The following MACROD2 variants were observed in gnomAD, a reference collection of about 807,000 sequenced individuals.
MACROD2 encodes ADP-ribose glycohydrolase MACROD2.
In MACROD2, 36 loss-of-function variants were observed where a neutral mutation model predicts 70.4. The ratio of observed to expected loss-of-function variants is 0.51; its 90% CI spans 0.39 to 0.68. MACROD2 has a LOEUF of 0.68. Among genes scored for constraint, MACROD2 ranks in the 30% least tolerant of loss-of-function variants. The probability of loss-of-function intolerance (pLI) is 0.00; values close to 1 mark genes in which losing one functional copy is unlikely to be tolerated. For synonymous variants in MACROD2, 172 were observed against 178.8 expected (o/e 0.96, Z 0.30); for missense variants, 496 against 538.4 (o/e 0.92, Z 0.78).
At chr20:14,240,397 A>G (rs1407978481) in intron 3 of MACROD2, among the ~76,000 whole-genome samples, 7 of 152,234 alleles carry the variant, frequency 4.6e-5, no homozygotes, top group Admixed American at 4.6e-4. Flanking sequence ...TTGTATGTTT[A>G]TTTCAGTACT....
chr20:14,461,179 T>C (rs2084366239), intron 3 of MACROD2, among the ~76,000 whole-genome samples: 1 of 152,078 alleles, frequency 6.6e-6, no homozygotes, highest in Admixed American at 6.6e-5. Flanking sequence ...CAGGAGTTTA[T>C]CCATTTCTTC....
At chr20:14,131,262 T>C (rs1487448464) in intron 3 of MACROD2, among the ~76,000 whole-genome samples, 1 of 152,242 alleles carries the variant, frequency 6.6e-6, no homozygotes, top group Middle Eastern at 3.2e-3. Flanking sequence ...AGAAAACAAC[T>C]GTTTGGGTTT....
chr20:15,030,678 T>C lies in MACROD2; in HGVS notation c.419-199262T>C, dbSNP rs146850367. On this transcript the variant is annotated intron_variant, in intron 5 of 17. Coordinates refer to ENST00000684519, the MANE Select transcript of MACROD2 (RefSeq NM_001351661.2). ...ATAGATAGATAGACAGATAGATAGA[T>C]AGATAGATAGTCTAGGGAGTATGGC... 9.9e-5 allele frequency among the ~76,000 whole-genome samples: 15 copies of C among 152,224 alleles called. No homozygotes were observed. In the East Asian group the frequency reaches 2.9e-3, roughly 29 times the overall value.
chr20:14,227,079 C>A (rs2122187558), intron 3 of MACROD2, among the ~76,000 whole-genome samples: 1 of 152,292 alleles, frequency 6.6e-6, no homozygotes, highest in South Asian at 2.1e-4. Flanking sequence ...AATCAGCACC[C>A]TGTGTCTAGC....
At chr20:14,850,066 A>G in intron 5 of MACROD2, 1 of 478,258 alleles carries the variant, frequency 2.1e-6, no homozygotes, top group Non-Finnish European at 4.1e-6. Flanking sequence ...ACTTAATGAA[A>G]TCTCAATACT....
chr20:15,555,968 A>G (rs1568889612), intron 8 of MACROD2, among the ~76,000 whole-genome samples: 1 of 151,996 alleles, frequency 6.6e-6, no homozygotes, highest in African/African-American at 2.4e-5. Context: ...ATTTGGGGAT[A>G]GCTTACTCAG....
intron 5 of MACROD2, among the ~76,000 whole-genome samples, chr20:14,842,560 CTTA>C (rs1042863744): frequency 2.0e-5 from 3 of 151,990 alleles, no homozygotes; most frequent in Admixed American, 6.6e-5. Flanking sequence ...TTTGTAATGT[CTTA>C]TTATTAAGGC....
At chr20:15,223,803 C>G (rs1413998785) in intron 5 of MACROD2, among the ~76,000 whole-genome samples, 5 of 152,132 alleles carry the variant, frequency 3.3e-5, no homozygotes, top group African/African-American at 4.8e-5. Flanking sequence ...CTCTTCCCAT[C>G]AAGAGGTGAG....
intron 6 of MACROD2, among the ~76,000 whole-genome samples, chr20:15,386,018 G>T (rs1276258737): frequency 6.6e-6 from 1 of 152,104 alleles, no homozygotes; most frequent in African/African-American, 2.4e-5. Context: ...AAGCTGCTCG[G>T]TTTCAGTCTC....
intron 8 of MACROD2, among the ~76,000 whole-genome samples, chr20:15,745,984 T>C (rs548657282): frequency 1.3e-5 from 2 of 152,300 alleles, no homozygotes; most frequent in African/African-American, 4.8e-5. Flanking sequence ...GTTTTTGTTT[T>C]TTTGAAAGCC....
chr20:14,877,301 T>C (rs1282648641), intron 5 of MACROD2, among the ~76,000 whole-genome samples: 2 of 152,190 alleles, frequency 1.3e-5, no homozygotes, highest in Non-Finnish European at 2.9e-5. Context: ...TGTGCATTGA[T>C]TTTATATCCT....
At chr20:15,173,769 A>G (rs1045033165) in intron 5 of MACROD2, among the ~76,000 whole-genome samples, 1 of 152,174 alleles carries the variant, frequency 6.6e-6, no homozygotes, top group African/African-American at 2.4e-5. Context: ...TCACGGTTGC[A>G]TATTTTTAAT....
chr20:15,245,145 T>C (rs1485222150), intron 6 of MACROD2, among the ~76,000 whole-genome samples: 1 of 152,238 alleles, frequency 6.6e-6, no homozygotes, highest in East Asian at 1.9e-4. Flanking sequence ...ATGCCTTCAT[T>C]TATTTTACAC....
At chr20:15,716,779 T>C (rs2050713923) in intron 8 of MACROD2, among the ~76,000 whole-genome samples, 1 of 152,122 alleles carries the variant, frequency 6.6e-6, no homozygotes, top group Non-Finnish European at 1.5e-5. Context: ...TTATCCTTTA[T>C]AACAGGCCCT....
intron 6 of MACROD2, among the ~76,000 whole-genome samples, chr20:15,301,465 G>A (rs1056414533): frequency 6.6e-6 from 1 of 152,028 alleles, no homozygotes; most frequent in African/African-American, 2.4e-5. Flanking sequence ...GCTTCCTAGT[G>A]TCTTCTTTTA....
chr20:16,029,829 A>G (rs2067128842), intron 15 of MACROD2, among the ~76,000 whole-genome samples: 3 of 152,224 alleles, frequency 2.0e-5, no homozygotes, highest in Admixed American at 2.0e-4. Flanking sequence ...AAGAAAAAGC[A>G]GACCAATAAC....
At chr20:14,864,592 C>G (rs763951015) in intron 5 of MACROD2, among the ~76,000 whole-genome samples, 3 of 152,036 alleles carry the variant, frequency 2.0e-5, no homozygotes, top group East Asian at 3.9e-4. Flanking sequence ...TTTCTTTTCC[C>G]TATAGAGAAA....
chr20:15,590,887 A>G (rs573495784), intron 8 of MACROD2, among the ~76,000 whole-genome samples: 142 of 151,524 alleles, frequency 9.4e-4, no homozygotes, highest in Non-Finnish European at 1.6e-3. Context: ...AAAAGAAAGA[A>G]AGAGAGAAAA....
intron 4 of MACROD2, among the ~76,000 whole-genome samples, chr20:14,664,277 C>T (rs1024597241): frequency 6.6e-6 from 1 of 152,118 alleles, no homozygotes; most frequent in Non-Finnish European, 1.5e-5. Context: ...CTGTTACAGC[C>T]AAAATGCTGA....
Sources: gnomAD v4.1 joint callset for allele counts (sites outside exome capture counted in the v4.1 genomes callset) on GRCh38, gnomAD v4.1.1 for gene constraint, MANE v1.5 for transcripts, NCBI Gene and HGNC (gene_info 2026-07-23, HGNC 2026-07-21) for gene names.